The following CNTN1 variants were observed in gnomAD, a reference collection of about 807,000 sequenced individuals.
CNTN1 encodes the protein contactin 1, also known as contactin-1.
A neutral mutation model predicts 126.4 loss-of-function variants in CNTN1; 38 were observed. The ratio of observed to expected loss-of-function variants is 0.30; its 90% CI spans 0.23 to 0.39. The LOEUF (loss-of-function observed/expected upper bound fraction) is 0.39, where lower values mean the gene tolerates loss of function less well. Ranked by LOEUF, CNTN1 falls within the 10% of genes least tolerant of loss-of-function variation. The pLI, the probability that CNTN1 is intolerant of heterozygous loss-of-function variation, is 1.00. For synonymous variants in CNTN1, 413 were observed against 422.6 expected (o/e 0.98, Z 0.28); for missense variants, 1,009 against 1,248.4 (o/e 0.81, Z 2.89).
At chr12:40,975,178 T>TTATATATATA (rs58939653) in intron 15 of CNTN1, among the ~76,000 whole-genome samples, 108 of 48,452 alleles carry the variant, frequency 2.2e-3, no homozygotes, top group Non-Finnish European at 2.7e-3. Context: ...GTAAAATGGA[T>TTATATATATA]TATATATATA....
intron 1 of CNTN1, among the ~76,000 whole-genome samples, chr12:40,906,128 G>A (rs1358276391): frequency 4.6e-5 from 7 of 152,124 alleles, no homozygotes; most frequent in East Asian, 3.9e-4. Flanking sequence ...AAAATTAGCC[G>A]GGCGTGGTGG....
chr12:40,980,358 C>A (rs924616335), intron 15 of CNTN1, among the ~76,000 whole-genome samples: 1 of 150,634 alleles, frequency 6.6e-6, no homozygotes, highest in Non-Finnish European at 1.5e-5. Flanking sequence ...CTGGGAGGAT[C>A]TCTTGAGCTG....
rs1949069466 is a variant in CNTN1, at chr12:41,027,943, A to C, written c.2797A>C (p.Asn933His). 6.2e-7 allele frequency: 1 copy of C among 1,608,760 alleles called. No homozygotes were observed. The change falls in exon 22 of 24, where the codon AAT becomes CAT. Residue 933 changes from asparagine (N) to histidine (H), a missense_variant. Coordinates refer to ENST00000551295, the MANE Select transcript of CNTN1 (RefSeq NM_001843.4). ...ITWDHVVALS[N>H]ESTVTGYKVL... is the part of the protein sequence containing the mutation. Reference sequence around the variant, plus strand: ...CTGGGATCATGTCGTTGCACTATCAAATGAATCTACAGTGACGGGATATAA... The same window carrying C: ...CTGGGATCATGTCGTTGCACTATCACATGAATCTACAGTGACGGGATATAA...
chr12:40,881,665 T>C (rs1463098516), intron 1 of CNTN1, among the ~76,000 whole-genome samples: 1 of 151,742 alleles, frequency 6.6e-6, no homozygotes, highest in Non-Finnish European at 1.5e-5. Context: ...AAATGGAAAA[T>C]AGATAAGGGC....
chr12:40,910,512 G>A (rs1216059941), intron 3 of CNTN1, among the ~76,000 whole-genome samples: 1 of 152,152 alleles, frequency 6.6e-6, no homozygotes, highest in Non-Finnish European at 1.5e-5. Flanking sequence ...TCAATTAAAA[G>A]TCCACAGGTA....
chr12:40,932,948 T>G (rs1393629450), intron 7 of CNTN1, among the ~76,000 whole-genome samples: 1 of 151,510 alleles, frequency 6.6e-6, no homozygotes, highest in African/African-American at 2.4e-5. Context: ...AGTGTCTAGT[T>G]TGAAGAGTGC....
intron 4 of CNTN1, 57 bp from the exon 5 acceptor site, chr12:40,922,199 C>G: frequency 6.8e-7 from 1 of 1,472,262 alleles, no homozygotes; most frequent in African/African-American, 1.4e-5. Context: ...GTGTTAGCTC[C>G]GTAGAGTTTC....
At chr12:40,857,868 T>G (rs1283123026) in intron 1 of CNTN1, among the ~76,000 whole-genome samples, 10 of 152,110 alleles carry the variant, frequency 6.6e-5, no homozygotes, top group Non-Finnish European at 1.2e-4. Flanking sequence ...TTGTGTTTTG[T>G]TTTTCTTGTC....
Position 40,925,800 on chromosome 12 carries a change from TTATATATA to T in CNTN1, c.496+1170_496+1177del, listed in dbSNP as rs370971706. ...CCTTTTTCTTAAGGAACTATTGAAA[TTATATATA>T]TATATATATATATATATATATGTAT... On this transcript the variant is annotated intron_variant, in intron 6 of 23. Coordinates refer to ENST00000551295, the MANE Select transcript of CNTN1 (RefSeq NM_001843.4). Among the ~76,000 whole-genome samples, 940 of 116,552 alleles carry T rather than the reference TTATATATA, an allele frequency of 8.1e-3. 9 individuals carry two copies. Among genetic ancestry groups the T allele is most frequent in the African/African-American group, 0.027 (764 of 28,632 alleles). The allele number at this position is 116,552 out of a possible 152,430, so 76.5% of individuals were successfully genotyped here. A position where few individuals can be genotyped will look rare whatever the true frequency, so the allele number is the denominator to read the frequency against.
chr12:40,707,900 A>G (rs1311236124), intron 1 of CNTN1, among the ~76,000 whole-genome samples: 1 of 152,226 alleles, frequency 6.6e-6, no homozygotes, highest in Non-Finnish European at 1.5e-5. Flanking sequence ...AGCATAATTT[A>G]TGTACAAACT....
chr12:40,848,681 G>A (rs1383415743), intron 1 of CNTN1, among the ~76,000 whole-genome samples: 5 of 151,996 alleles, frequency 3.3e-5, no homozygotes, highest in Non-Finnish European at 7.4e-5. Context: ...TCCTTTCAAG[G>A]ATGCATGTCA....
chr12:41,036,119 T>C (rs1330494767), intron 23 of CNTN1, among the ~76,000 whole-genome samples: 1 of 152,136 alleles, frequency 6.6e-6, no homozygotes, highest in Non-Finnish European at 1.5e-5. Flanking sequence ...TAGGCTACTG[T>C]AGGTTTTTTT....
At chr12:40,769,466 A>C (rs1193166120) in intron 1 of CNTN1, among the ~76,000 whole-genome samples, 5 of 152,206 alleles carry the variant, frequency 3.3e-5, no homozygotes, top group African/African-American at 7.2e-5. Context: ...CAATTTATAC[A>C]GGAGAAAAAA....
At chr12:40,899,256 A>G (rs1306347441) in intron 1 of CNTN1, among the ~76,000 whole-genome samples, 4 of 152,206 alleles carry the variant, frequency 2.6e-5, no homozygotes, top group African/African-American at 9.6e-5. Flanking sequence ...ATCACAAAGC[A>G]TATTTCTTTT....
intron 4 of CNTN1, among the ~76,000 whole-genome samples, chr12:40,921,921 A>C (rs1455826424): frequency 1.3e-5 from 2 of 152,204 alleles, no homozygotes; most frequent in Non-Finnish European, 2.9e-5. Context: ...ATATGTATGA[A>C]TCTAACTGGT....
intron 1 of CNTN1, among the ~76,000 whole-genome samples, chr12:40,791,808 T>C (rs1377949250): frequency 6.6e-6 from 1 of 152,102 alleles, no homozygotes; most frequent in African/African-American, 2.4e-5. Flanking sequence ...CACTGAGCAC[T>C]GGAAATGATG....
At chr12:40,995,975 G>C (rs1247005719) in intron 17 of CNTN1, among the ~76,000 whole-genome samples, 1 of 152,098 alleles carries the variant, frequency 6.6e-6, no homozygotes, top group African/African-American at 2.4e-5. Flanking sequence ...GGCAGAGCTG[G>C]GATTCAAATC....
At chr12:40,936,204 A>G (rs1430228828) in intron 9 of CNTN1, among the ~76,000 whole-genome samples, 2 of 152,074 alleles carry the variant, frequency 1.3e-5, no homozygotes, top group East Asian at 1.9e-4. Flanking sequence ...ACTGAGATCA[A>G]TTTTACCAAT....
chr12:40,741,802 TAAC>T (rs890333332), intron 1 of CNTN1, among the ~76,000 whole-genome samples: 8 of 152,190 alleles, frequency 5.3e-5, no homozygotes, highest in East Asian at 1.9e-4. Context: ...TATTTACAAA[TAAC>T]AACTATTATT....
Sources: gnomAD v4.1 joint callset for allele counts (sites outside exome capture counted in the v4.1 genomes callset) on GRCh38, gnomAD v4.1.1 for gene constraint, MANE v1.5 for transcripts, NCBI Gene and HGNC (gene_info 2026-07-23, HGNC 2026-07-21) for gene names.